Variants in RAD51B observed in about 807,000 individuals in gnomAD.
RAD51B encodes the protein RAD51 paralog B.
RAD51B carries 38 observed loss-of-function variants against 42.2 expected under a neutral mutation model. That is an observed-to-expected ratio of 0.90 (90% confidence interval 0.70 to 1.18). The LOEUF is 1.18. Among genes scored for constraint, RAD51B ranks in the 50% most tolerant of loss-of-function variants. RAD51B has a pLI of 0.00. For synonymous variants in RAD51B, 154 were observed against 145.2 expected, an observed-to-expected ratio of 1.06 and a Z score of -0.43; for missense variants, 373 against 400.7, an observed-to-expected ratio of 0.93 and a Z score of 0.59.
intron 7 of RAD51B, among the ~76,000 whole-genome samples, chr14:68,249,144 G>A (rs1205409332): frequency 6.6e-6 from 1 of 152,188 alleles, no homozygotes. Flanking sequence ...TGCAGTCGGT[G>A]GGTCATTGCC....
chr14:68,189,199 A>T (rs1011964407), intron 7 of RAD51B, among the ~76,000 whole-genome samples: 1 of 152,110 alleles, frequency 6.6e-6, no homozygotes, highest in Non-Finnish European at 1.5e-5. Context: ...CAGTTGATGT[A>T]TTTGCCAGGT....
intron 10 of RAD51B, among the ~76,000 whole-genome samples, chr14:68,530,446 C>CAAAATAAAAAAAAAAA (rs1887214623): frequency 1.5e-5 from 1 of 67,844 alleles, no homozygotes; most frequent in Non-Finnish European, 2.8e-5. Context: ...GACCCTGTCT[C>CAAAATAAAAAAAAAAA]AAAAAAAAAA....
At chr14:67,948,939 A>AC (rs1243161895) in intron 7 of RAD51B, among the ~76,000 whole-genome samples, 5 of 149,244 alleles carry the variant, frequency 3.4e-5, no homozygotes, top group African/African-American at 1.2e-4. Flanking sequence ...CTCAAAAAAA[A>AC]AAAAAAAAAA....
intron 7 of RAD51B, among the ~76,000 whole-genome samples, chr14:68,081,777 G>C (rs2076916249): frequency 6.6e-6 from 1 of 152,156 alleles, no homozygotes; most frequent in Non-Finnish European, 1.5e-5. Flanking sequence ...TGGGCAGGCT[G>C]TGGGGCTCTG....
At chr14:68,022,511 G>A (rs927088558) in intron 7 of RAD51B, among the ~76,000 whole-genome samples, 1 of 152,044 alleles carries the variant, frequency 6.6e-6, no homozygotes, top group African/African-American at 2.4e-5. Flanking sequence ...ATAGCCATCT[G>A]TTGTTTTTTG....
intron 11 of RAD51B, among the ~76,000 whole-genome samples, chr14:68,678,812 C>T (rs914398425): frequency 3.9e-5 from 6 of 152,150 alleles, no homozygotes. Flanking sequence ...ATGAAATGGC[C>T]TTGTTGAACA....
intron 8 of RAD51B, among the ~76,000 whole-genome samples, chr14:68,375,322 T>A (rs1164318704): frequency 6.6e-6 from 1 of 152,166 alleles, no homozygotes; most frequent in Admixed American, 6.6e-5. Flanking sequence ...CCATACTTTC[T>A]ACTTTTTATT....
At chr14:68,109,245 G>T (rs2077423980) in intron 7 of RAD51B, among the ~76,000 whole-genome samples, 1 of 151,902 alleles carries the variant, frequency 6.6e-6, no homozygotes, top group South Asian at 2.1e-4. Flanking sequence ...GAGTCTTGGG[G>T]GTGGGGTCAG....
chr14:67,874,335 C>T (rs1015409617), intron 5 of RAD51B, among the ~76,000 whole-genome samples: 1 of 152,172 alleles, frequency 6.6e-6, no homozygotes, highest in Non-Finnish European at 1.5e-5. Flanking sequence ...GAACCCACAG[C>T]CCGTGGGCCG....
At position 68,112,898 on chromosome 14, in the gene RAD51B, G is replaced by A. The variant is rs778887218; in HGVS notation, c.757-178986G>A. 3.0e-4 allele frequency among the ~76,000 whole-genome samples: 45 copies of A among 152,148 alleles called. 1 individual carries two copies. Among genetic ancestry groups the A allele is most frequent in the Middle Eastern group, 3.4e-3 (1 of 294 alleles). ...TTTACAAATTAAATAAACTTGCTAC[G>A]TAGAAAATTTACTTTATATAATTAG... On this transcript the variant is annotated intron_variant, in intron 7 of 10. Transcript: ENST00000471583.
chr14:68,043,560 G>T (rs1286625345), intron 7 of RAD51B, among the ~76,000 whole-genome samples: 1 of 152,150 alleles, frequency 6.6e-6, no homozygotes, highest in Non-Finnish European at 1.5e-5. Context: ...TTGGAACTTG[G>T]AATCTTGAAC....
At chr14:68,143,166 T>C (rs1456380918) in intron 7 of RAD51B, among the ~76,000 whole-genome samples, 1 of 152,196 alleles carries the variant, frequency 6.6e-6, no homozygotes, top group Non-Finnish European at 1.5e-5. Context: ...GTTTTTAGCA[T>C]GTCACCTTAC....
intron 7 of RAD51B, among the ~76,000 whole-genome samples, chr14:68,073,422 T>C (rs2076785005): frequency 6.6e-6 from 1 of 152,214 alleles, no homozygotes; most frequent in Non-Finnish European, 1.5e-5. Flanking sequence ...TCCCACTGTA[T>C]GTGAGATGGG....
At chr14:68,096,617 A>G (rs1358101480) in intron 7 of RAD51B, among the ~76,000 whole-genome samples, 1 of 152,148 alleles carries the variant, frequency 6.6e-6, no homozygotes, top group Non-Finnish European at 1.5e-5. Flanking sequence ...ACCACATCCC[A>G]TCGTTTTTGA....
chr14:68,650,525 C>T (rs538173081), intron 10 of RAD51B, among the ~76,000 whole-genome samples: 1 of 152,324 alleles, frequency 6.6e-6, no homozygotes, highest in Non-Finnish European at 1.5e-5. Context: ...TGAGATCTAT[C>T]TACCCCAAAC....
At chr14:67,823,655 TAA>T in intron 2 of RAD51B, 28 bp downstream of exon 2, 4 of 1,561,114 alleles carry the variant, frequency 2.6e-6, no homozygotes, top group Non-Finnish European at 3.5e-6. Context: ...TTTTTATTGA[TAA>T]GTTTTATGCA....
intron 7 of RAD51B, among the ~76,000 whole-genome samples, chr14:68,286,530 T>G (rs1446243290): frequency 6.6e-6 from 1 of 152,212 alleles, no homozygotes. Context: ...TATCAAAGGC[T>G]GTGTCTTCAG....
chr14:68,484,364 T>C (rs1251105109), intron 10 of RAD51B, among the ~76,000 whole-genome samples: 2 of 149,146 alleles, frequency 1.3e-5, no homozygotes, highest in East Asian at 1.9e-4. Context: ...TTTTTCTTTT[T>C]TTTTTTTTTT....
intron 10 of RAD51B, chr14:68,545,480 T>G: frequency 4.6e-6 from 2 of 433,900 alleles, no homozygotes; most frequent in Non-Finnish European, 9.3e-6. Context: ...TTTTTCAGAA[T>G]GGAACAATAT....
Sources: allele counts gnomAD v4.1 joint callset (sites outside exome capture counted in the v4.1 genomes callset), GRCh38; gene constraint gnomAD v4.1.1; transcripts MANE v1.5; gene names NCBI Gene and HGNC (gene_info 2026-07-23, HGNC 2026-07-21).